LCLAT1: variants seen among roughly 807,000 people sequenced by gnomAD.
LCLAT1 encodes 1-AGP acyltransferase 8.
Under a neutral mutation model 30.7 loss-of-function variants are expected in LCLAT1, and 11 were observed. That is an observed-to-expected ratio of 0.36 (90% CI 0.23 to 0.59). The LOEUF (loss-of-function observed/expected upper bound fraction) is 0.59, where lower values mean the gene tolerates loss of function less well. Ranked by LOEUF, LCLAT1 falls within the 20% of genes least tolerant of loss-of-function variation. The pLI, the probability that LCLAT1 is intolerant of heterozygous loss-of-function variation, is 0.77. For synonymous variants in LCLAT1, 155 were observed against 151.3 expected, an observed-to-expected ratio of 1.02 and a Z score of -0.18; for missense variants, 402 against 458.6, an observed-to-expected ratio of 0.88 and a Z score of 1.13.
intron 5 of LCLAT1, among the ~76,000 whole-genome samples, chr2:30,636,093 GCTT>G (rs1444439642): frequency 2.0e-5 from 3 of 152,154 alleles, no homozygotes; most frequent in African/African-American, 4.8e-5. Flanking sequence ...ACTTGAACAA[GCTT>G]CTTCTTAGAA....
chr2:30,459,224 G>A (rs1263655625), intron 1 of LCLAT1, among the ~76,000 whole-genome samples: 1 of 152,148 alleles, frequency 6.6e-6, no homozygotes, highest in African/African-American at 2.4e-5. Context: ...TCTAGGCTGT[G>A]ATTTTGCCCT....
intron 1 of LCLAT1, among the ~76,000 whole-genome samples, chr2:30,469,665 GC>G (rs1558457873): frequency 1.4e-5 from 2 of 142,308 alleles, no homozygotes; most frequent in African/African-American, 5.4e-5. Context: ...TACAACCTCC[GC>G]CTCTGGGGTT....
rs1016383838 is a variant in LCLAT1, at chr2:30,473,950, T to C, written c.-5+26567T>C. On this transcript the variant is annotated intron_variant, in intron 1 of 5. Coordinates refer to ENST00000379509, the MANE Select transcript of LCLAT1 (RefSeq NM_001002257.3). ...GACCTTTCCAGTCCAATTCACTGTT[T>C]GGATTGTTTTTGTGTTGGTATCTGA... is the stretch of plus-strand genomic sequence containing the variant. Among the ~76,000 whole-genome samples the C allele has an allele frequency of 2.6e-5, 4 of 152,360 alleles. No individual in the cohort carries two copies. The East Asian group carries it at 7.7e-4, about 29-fold the overall frequency.
chr2:30,595,853 G>A (rs1243111079), intron 5 of LCLAT1, among the ~76,000 whole-genome samples: 1 of 152,050 alleles, frequency 6.6e-6, no homozygotes, highest in African/African-American at 2.4e-5. Flanking sequence ...ATGTCCATAT[G>A]TTCTCGTTGT....
chr2:30,495,986 T>G (rs570848595), intron 1 of LCLAT1, among the ~76,000 whole-genome samples: 1 of 152,284 alleles, frequency 6.6e-6, no homozygotes, highest in African/African-American at 2.4e-5. Context: ...AGAGGTTTAA[T>G]TGGCTCATGG....
At chr2:30,504,206 A>G (rs183062072) in intron 1 of LCLAT1, among the ~76,000 whole-genome samples, 1 of 150,948 alleles carries the variant, frequency 6.6e-6, no homozygotes, top group Non-Finnish European at 1.5e-5. Flanking sequence ...AACATATTAC[A>G]TAACATAACA....
At chr2:30,527,500 C>G (rs1685774663) in intron 2 of LCLAT1, among the ~76,000 whole-genome samples, 1 of 152,188 alleles carries the variant, frequency 6.6e-6, no homozygotes, top group Non-Finnish European at 1.5e-5. Flanking sequence ...AAAATTACTA[C>G]AGTTGTAATG....
chr2:30,536,194 C>T (rs536743092), intron 3 of LCLAT1, among the ~76,000 whole-genome samples: 19 of 152,084 alleles, frequency 1.2e-4, no homozygotes, highest in Non-Finnish European at 2.2e-4. Flanking sequence ...TTGGAGAAGA[C>T]GAGGTGAAAA....
At chr2:30,486,810 A>G (rs747373814) in intron 1 of LCLAT1, among the ~76,000 whole-genome samples, 20 of 152,212 alleles carry the variant, frequency 1.3e-4, no homozygotes, top group Non-Finnish European at 2.4e-4. Flanking sequence ...CAGTGCAAGC[A>G]GCCTAGGTCC....
At position 30,641,901 on chromosome 2, in the gene LCLAT1, T is replaced by C. The variant is rs200385257; in HGVS notation, c.*1282T>C. On this transcript the variant is annotated 3_prime_UTR_variant, in exon 6 of 6. Coordinates refer to ENST00000379509, the MANE Select transcript of LCLAT1 (RefSeq NM_001002257.3). ...GGAGCTGCACACTTTTTTTTCTTTT[T>C]TTTTTTCTTTTTTTTTTTGTCGTGT... is the stretch of plus-strand genomic sequence containing the variant. 0.15 allele frequency: 17,276 copies of C among 114,286 alleles called. 1,188 individuals are homozygous for C. The highest frequency in any genetic ancestry group is 0.35 in the East Asian group (960 of 2,712). 7.1% of individuals were successfully genotyped at this position (114,286 alleles called of 1,614,324 possible).
At position 30,643,928 on chromosome 2, in the gene LCLAT1, G is replaced by A. The variant is rs565358950; in HGVS notation, c.*3309G>A. The A allele has an allele frequency of 6.5e-6, 1 of 152,754 alleles. No individual in the cohort carries two copies. Among genetic ancestry groups the A allele is most frequent in the East Asian group, 1.9e-4 (1 of 5,172 alleles). The allele number at this position is 152,754 out of a possible 1,614,324, so 9.5% of individuals were successfully genotyped here. On this transcript the variant is annotated 3_prime_UTR_variant, in exon 6 of 6. Coordinates refer to ENST00000379509, the MANE Select transcript of LCLAT1 (RefSeq NM_001002257.3). Reference sequence around the variant, plus strand: ...CGTGGAGAAATGAGCTTCATGCTGAGGTAGTGGTTGCCTTAGAGCTGTTAT... The same window carrying A: ...CGTGGAGAAATGAGCTTCATGCTGAAGTAGTGGTTGCCTTAGAGCTGTTAT...
At chr2:30,609,959 A>T (rs547096771) in intron 5 of LCLAT1, among the ~76,000 whole-genome samples, 46 of 152,130 alleles carry the variant, frequency 3.0e-4, no homozygotes, top group Non-Finnish European at 3.4e-4. Context: ...TAAACTCTTT[A>T]TTGATACTTT....
chr2:30,509,444 A>C (rs544239512), intron 1 of LCLAT1, among the ~76,000 whole-genome samples: 1 of 152,300 alleles, frequency 6.6e-6, no homozygotes, highest in African/African-American at 2.4e-5. Context: ...GTTCCTTAAA[A>C]GCCCAGTTAT....
At position 30,554,036 on chromosome 2, in the gene LCLAT1, A is replaced by AT. The variant is rs530882827; in HGVS notation, c.365-8103dup. Among the ~76,000 whole-genome samples the AT allele has an allele frequency of 9.3e-3, 1,421 of 152,272 alleles. 7 individuals are homozygous for AT. The highest frequency in any genetic ancestry group is 0.015 in the Non-Finnish European group (1,054 of 68,012). On this transcript the variant is annotated intron_variant, in intron 3 of 5. Coordinates refer to ENST00000379509, the MANE Select transcript of LCLAT1 (RefSeq NM_001002257.3). Reference sequence around the variant, plus strand: ...AAACCCCTTGCCAGGTATTCCTGTGATTTTTTTATCGGGAAAAAAAGAGAA... The same window carrying AT: ...AAACCCCTTGCCAGGTATTCCTGTGATTTTTTTTATCGGGAAAAAAAGAGAA...
At chr2:30,636,404 A>C (rs758138643) in intron 5 of LCLAT1, among the ~76,000 whole-genome samples, 1 of 152,218 alleles carries the variant, frequency 6.6e-6, no homozygotes, top group South Asian at 2.1e-4. Context: ...ACAGCCTAGT[A>C]AACAGCCTTT....
rs148120088 is a variant in LCLAT1 at position 30,585,989 on chromosome 2, C to T, written c.628+17813C>T. Among the ~76,000 whole-genome samples the T allele has an allele frequency of 2.2e-3, 336 of 152,190 alleles. 1 individual carries two copies. Among genetic ancestry groups the T allele is most frequent in the African/African-American group, 6.8e-3 (283 of 41,510 alleles). ...AGGAATGGCCGGGCGTGGTGGCTCA[C>T]GCCTGTAATTTGGGAAGCTGAGGCA... is the stretch of plus-strand genomic sequence containing the variant. On this transcript the variant is annotated intron_variant, in intron 5 of 5. Transcript: ENST00000379509.
intron 5 of LCLAT1, among the ~76,000 whole-genome samples, chr2:30,593,968 A>G (rs1032243738): frequency 2.9e-4 from 44 of 150,766 alleles, no homozygotes; most frequent in African/African-American, 1.0e-3. Context: ...CTAAAATTTT[A>G]TCATTCCACT....
chr2:30,502,282 C>G (rs755343494), intron 1 of LCLAT1, among the ~76,000 whole-genome samples: 3 of 152,014 alleles, frequency 2.0e-5, no homozygotes, highest in African/African-American at 2.4e-5. Context: ...TCTCTTTTTC[C>G]TTTGGCATTC....
At chr2:30,499,593 T>G (rs1684270973) in intron 1 of LCLAT1, among the ~76,000 whole-genome samples, 1 of 152,210 alleles carries the variant, frequency 6.6e-6, no homozygotes, top group Admixed American at 6.5e-5. Flanking sequence ...TAAAGCCTAT[T>G]TGAACTCTGA....
Sources: allele counts gnomAD v4.1 joint callset (sites outside exome capture counted in the v4.1 genomes callset), GRCh38; gene constraint gnomAD v4.1.1; transcripts MANE v1.5; gene names NCBI Gene and HGNC (gene_info 2026-07-23, HGNC 2026-07-21).